Variants in SORCS2 observed in about 807,000 individuals in gnomAD.
The protein encoded by SORCS2 is VPS10 domain-containing receptor SorCS2.
In SORCS2, 100 loss-of-function variants were observed where a neutral mutation model predicts 141.6. The ratio of observed to expected loss-of-function variants is 0.71; its 90% confidence interval spans 0.60 to 0.83. The LOEUF (loss-of-function observed/expected upper bound fraction) is 0.83, where lower values mean the gene tolerates loss of function less well. Among genes scored for constraint, SORCS2 ranks in the 40% least tolerant of loss-of-function variants. The pLI is 0.00. For synonymous variants in SORCS2, 789 were observed against 676.9 expected, an observed-to-expected ratio of 1.17 and a Z score of -2.57; for missense variants, 1,646 against 1,560.2, an observed-to-expected ratio of 1.05 and a Z score of -0.93.
chr4:7,646,303 TG>T (rs1721070098), intron 4 of SORCS2, among the ~76,000 whole-genome samples: 2 of 151,670 alleles, frequency 1.3e-5, no homozygotes, highest in African/African-American at 4.8e-5. Flanking sequence ...ACTTCAGGGG[TG>T]GGGGTGGAAG....
intron 2 of SORCS2, among the ~76,000 whole-genome samples, chr4:7,493,776 T>C (rs533082281): frequency 1.6e-4 from 24 of 152,290 alleles, no homozygotes; most frequent in African/African-American, 5.3e-4. Flanking sequence ...AAGACACCGC[T>C]GCTCAGCCTG....
chr4:7,631,813 A>G lies in SORCS2; in HGVS notation c.649-6515A>G, dbSNP rs143466183. 2.6e-4 allele frequency among the ~76,000 whole-genome samples: 39 copies of G among 150,718 alleles called. No homozygotes were observed. The East Asian group carries it at 6.6e-3, about 26-fold the overall frequency. On this transcript the variant is annotated intron_variant, in intron 3 of 26. Transcript: ENST00000507866. Reference sequence around the variant, plus strand: ...TCCCTCTTCACAGGGTCGGAAATCCATCGTGAAAGCCCTGGACAGAGCTGC... The same window carrying G: ...TCCCTCTTCACAGGGTCGGAAATCCGTCGTGAAAGCCCTGGACAGAGCTGC...
chr4:7,325,896 G>A lies in SORCS2; in HGVS notation c.481-70392G>A, dbSNP rs1259272922. Among the ~76,000 whole-genome samples the A allele has an allele frequency of 5.3e-5, 8 of 152,140 alleles. No homozygotes were observed. The East Asian group carries it at 9.7e-4, about 18-fold the overall frequency. On this transcript the variant is annotated intron_variant, in intron 1 of 26. Transcript: ENST00000507866. ...CAGCGGGATCCATGCACTGGCGGGC[G>A]GGGCGGAGTTGGGGGGTTGGTACGC...
chr4:7,738,693 C>A (rs1371780706), intron 26 of SORCS2, among the ~76,000 whole-genome samples: 1 of 152,124 alleles, frequency 6.6e-6, no homozygotes, highest in Non-Finnish European at 1.5e-5. Context: ...CCGGGACATC[C>A]TCAGAACGTG....
At chr4:7,583,279 A>G (rs941273018) in intron 3 of SORCS2, among the ~76,000 whole-genome samples, 4 of 152,148 alleles carry the variant, frequency 2.6e-5, no homozygotes, top group Non-Finnish European at 5.9e-5. Flanking sequence ...AGGCATGCCC[A>G]CTTTCGAGAG....
chr4:7,664,554 A>T lies in SORCS2; in HGVS notation c.1071+83A>T. The T allele has an allele frequency of 1.0e-6, 1 of 953,252 alleles. No homozygotes were observed. The highest frequency in any genetic ancestry group is 1.6e-5 in the South Asian group (1 of 63,268). The allele number at this position is 953,252 out of a possible 1,614,324, so 59.0% of individuals were successfully genotyped here. A position where few individuals can be genotyped will look rare whatever the true frequency, so the allele number is the denominator to read the frequency against. Reference sequence around the variant, plus strand: ...GTTCGCGGCAAAAATGGCATCGCTCAGAAAAGAGGCAATAAAACGGGTATT... The same window carrying T: ...GTTCGCGGCAAAAATGGCATCGCTCTGAAAAGAGGCAATAAAACGGGTATT... On this transcript the variant is annotated intron_variant, in intron 7 of 26. Coordinates refer to ENST00000507866, the MANE Select transcript of SORCS2 (RefSeq NM_020777.3). The surrounding 1 kb of genome is among the most constrained non-coding windows in gnomAD (Gnocchi z 4.7).
chr4:7,372,799 G>A (rs976628490), intron 1 of SORCS2, among the ~76,000 whole-genome samples: 1 of 151,824 alleles, frequency 6.6e-6, no homozygotes, highest in Non-Finnish European at 1.5e-5. Flanking sequence ...CCGGAGTGCC[G>A]TATACATGGA....
Position 7,560,566 on chromosome 4 carries a change from G to T in SORCS2, c.648+28937G>T, listed in dbSNP as rs144116856. Among the ~76,000 whole-genome samples the T allele has an allele frequency of 2.8e-3, 430 of 152,242 alleles. 1 individual carries two copies. The highest frequency in any genetic ancestry group is 9.9e-3 in the African/African-American group (411 of 41,534). Reference sequence around the variant, plus strand: ...GGTGTCTGAGACTGTGCCAGCCCAAGATGCGCCCCCAGCAAACCACAGGCT... The same window carrying T: ...GGTGTCTGAGACTGTGCCAGCCCAATATGCGCCCCCAGCAAACCACAGGCT... On this transcript the variant is annotated intron_variant, in intron 3 of 26. Coordinates refer to ENST00000507866, the MANE Select transcript of SORCS2 (RefSeq NM_020777.3).
chr4:7,314,628 C>A (rs558007257), intron 1 of SORCS2, among the ~76,000 whole-genome samples: 71 of 151,992 alleles, frequency 4.7e-4, no homozygotes, highest in Non-Finnish European at 6.0e-4. Flanking sequence ...CGTGAGCCAC[C>A]GCACCCGGCC....
At position 7,212,936 on chromosome 4, in the gene SORCS2, C is replaced by T. The variant is rs35742986; in HGVS notation, c.480+19810C>T. On this transcript the variant is annotated intron_variant, in intron 1 of 26. Coordinates refer to ENST00000507866, the MANE Select transcript of SORCS2 (RefSeq NM_020777.3). ...GGTCTCGTCATTGGGGGGTCATCTG[C>T]CCACCTGGGGGGAACAACCCGTGGC... 3.4e-3 allele frequency among the ~76,000 whole-genome samples: 513 copies of T among 152,344 alleles called. 3 individuals carry two copies. The highest frequency in any genetic ancestry group is 6.1e-3 in the Non-Finnish European group (414 of 68,038).
rs765132758 is a variant in SORCS2 at position 7,676,824 on chromosome 4, T to TCTCTCTCTCTCC, written c.1341+600_1341+601insTCTCTCCCTCTC. On this transcript the variant is annotated intron_variant, in intron 9 of 26. Transcript: ENST00000507866. ...TTCTGTCTCTCTCTCTCTCTCTCTCTCTCTCCCTCTCTCCACCCCAGCCCT... is the reference window on the plus strand; with the variant it reads ...TTCTGTCTCTCTCTCTCTCTCTCTCTCTCTCTCTCTCCCTCTCCCTCTCTCCACCCCAGCCCT... Among the ~76,000 whole-genome samples the TCTCTCTCTCTCC allele has an allele frequency of 8.2e-3, 402 of 49,084 alleles. 115 individuals are homozygous for TCTCTCTCTCTCC. The highest frequency in any genetic ancestry group is 9.4e-3 in the Non-Finnish European group (240 of 25,638). 32.2% of individuals were successfully genotyped at this position (49,084 alleles called of 152,430 possible).
At chr4:7,270,170 C>T (rs776472470) in intron 1 of SORCS2, among the ~76,000 whole-genome samples, 19 of 152,368 alleles carry the variant, frequency 1.2e-4, no homozygotes, top group South Asian at 2.1e-4. Flanking sequence ...CATGAGCCAC[C>T]GTGCCCATGA....
chr4:7,443,783 T>A (rs1727826623), intron 2 of SORCS2, among the ~76,000 whole-genome samples: 1 of 152,202 alleles, frequency 6.6e-6, no homozygotes, highest in Non-Finnish European at 1.5e-5. Context: ...TGGCCAAGCA[T>A]CTCCCATGTG....
intron 1 of SORCS2, among the ~76,000 whole-genome samples, chr4:7,365,814 C>T (rs36024960): frequency 4.6e-5 from 7 of 152,098 alleles, no homozygotes; most frequent in Admixed American, 1.3e-4. Context: ...CTTGAGAGAG[C>T]GAGCCAGGCA....
At chr4:7,282,267 A>T (rs1193624301) in intron 1 of SORCS2, among the ~76,000 whole-genome samples, 1 of 152,226 alleles carries the variant, frequency 6.6e-6, no homozygotes, top group Non-Finnish European at 1.5e-5. Context: ...ATCAACATGC[A>T]GTTATTCAAG....
chr4:7,631,473 C>T (rs986039802), intron 3 of SORCS2, among the ~76,000 whole-genome samples: 1 of 151,918 alleles, frequency 6.6e-6, no homozygotes, highest in Non-Finnish European at 1.5e-5. Context: ...TGCACAGTGT[C>T]GACTCTGGCC....
intron 2 of SORCS2, among the ~76,000 whole-genome samples, chr4:7,403,979 ATATATATATATATATATATTTT>A (rs1360603471): frequency 2.7e-3 from 48 of 17,898 alleles, no homozygotes; most frequent in African/African-American, 9.1e-3. Flanking sequence ...ATATATATAT[ATATATATATATATATATATTTT>A]TTTTTTTTTT....
rs551321286 is a variant in SORCS2, at chr4:7,454,863, G to T, written c.548+58508G>T. On this transcript the variant is annotated intron_variant, in intron 2 of 26. Coordinates refer to ENST00000507866, the MANE Select transcript of SORCS2 (RefSeq NM_020777.3). ...TGTTGGGGTCAGGTGCTGTGTTGGG[G>T]TCAGGTGCTGTGTGTTGGGGTCAGG... Among the ~76,000 whole-genome samples, 142 of 141,526 alleles carry T rather than the reference G, an allele frequency of 1.0e-3. 1 individual carries two copies. The highest frequency in any genetic ancestry group is 3.6e-3 in the African/African-American group (134 of 37,564). The allele number at this position is 141,526 out of a possible 152,430, so 92.8% of individuals were successfully genotyped here. A position where few individuals can be genotyped will look rare whatever the true frequency, so the allele number is the denominator to read the frequency against.
At chr4:7,645,365 GTGA>G (rs1461973222) in intron 4 of SORCS2, among the ~76,000 whole-genome samples, 1 of 152,212 alleles carries the variant, frequency 6.6e-6, no homozygotes, top group Non-Finnish European at 1.5e-5. Flanking sequence ...GGAGTGCTGT[GTGA>G]CCTTGAGTAA....
Sources: allele counts gnomAD v4.1 joint callset (sites outside exome capture counted in the v4.1 genomes callset), GRCh38; gene constraint gnomAD v4.1.1; non-coding constraint Gnocchi (gnomAD v3.1); transcripts MANE v1.5; gene names NCBI Gene and HGNC (gene_info 2026-07-23, HGNC 2026-07-21).